ROBO3: variants seen among roughly 807,000 people sequenced by gnomAD.
ROBO3 encodes the protein roundabout homolog 3.
In ROBO3, 97 loss-of-function variants were observed where a neutral mutation model predicts 160.5. That is an observed-to-expected ratio of 0.60 (90% confidence interval 0.51 to 0.72). The LOEUF is 0.72. Ranked by LOEUF, ROBO3 falls within the 30% of genes least tolerant of loss-of-function variation. The pLI is 0.00. For missense variants in ROBO3, 1,858 were observed against 1,846.5 expected (o/e 1.01, Z -0.11); for synonymous variants, 780 against 746.2 (o/e 1.05, Z -0.74).
chr11:124,874,216 CTG>C lies in ROBO3; in HGVS notation c.1932_1933del (p.Glu645AlafsTer7), dbSNP rs1946318793. The C allele has an allele frequency of 6.2e-7, 1 of 1,613,752 alleles. No individual in the cohort carries two copies. Among genetic ancestry groups the C allele is most frequent in the African/African-American group, 1.3e-5 (1 of 74,908 alleles). Reference sequence around the variant, plus strand: ...GGCCTCAGTGAGCCCAGCCCCGTCTCTGAGCCTGTCCGTACACAGGGTAAGGT... The same window carrying C: ...GGCCTCAGTGAGCCCAGCCCCGTCTCAGCCTGTCCGTACACAGGGTAAGGT... On this transcript the variant is annotated frameshift_variant, in exon 12 of 28. Transcript: ENST00000397801. LOFTEE classifies it high-confidence loss of function.
chr11:124,875,632 T>G lies in ROBO3; in HGVS notation c.2368T>G (p.Ser790Ala), dbSNP rs1565313193. ...TGATGGCAACAGCAGTATCACTGTG[T>G]CCTGGGAACCTCCACTCCCCTCCCA... ...GGDGNSSITVSWEPPLPSQQN... is the reference protein window; with the variant it reads ...GGDGNSSITVAWEPPLPSQQN... Residue 790 changes from serine to alanine, a missense_variant, in exon 15 of 28, where the codon TCC (serine) becomes GCC (alanine). Physicochemically the swap from Ser to Ala is moderately conservative, Grantham distance 99 (BLOSUM62 1). Coordinates refer to ENST00000397801, the MANE Select transcript of ROBO3 (RefSeq NM_022370.4). 6.2e-7 allele frequency: 1 copy of G among 1,610,958 alleles called. No homozygotes were observed. Among genetic ancestry groups the G allele is most frequent in the Non-Finnish European group, 8.5e-7 (1 of 1,178,738 alleles).
intron 25 of ROBO3, 87 bp downstream of exon 25, chr11:124,879,662 G>A (rs897944891): frequency 6.5e-7 from 1 of 1,529,116 alleles, no homozygotes; most frequent in Admixed American, 1.9e-5. Flanking sequence ...GGCTGGAGGA[G>A]GGAACAGGTG....
Position 124,870,319 on chromosome 11 carries a change from C to A in ROBO3, c.905+16C>A. On this transcript the variant is annotated intron_variant, in intron 5 of 27. Coordinates refer to ENST00000397801, the MANE Select transcript of ROBO3 (RefSeq NM_022370.4). ...CCACAGGCAGGTGAGAGACCCCCTT[C>A]TGCCTGTAGGAAGACCCAACCTGAT... 1 of 1,610,162 alleles carries A rather than the reference C, an allele frequency of 6.2e-7. No homozygotes were observed. Among genetic ancestry groups the A allele is most frequent in the East Asian group, 2.2e-5 (1 of 44,754 alleles).
intron 1 of ROBO3, among the ~76,000 whole-genome samples, chr11:124,867,158 G>A (rs777672789): frequency 6.6e-6 from 1 of 152,094 alleles, no homozygotes; most frequent in African/African-American, 2.4e-5. Flanking sequence ...TACACCTGAG[G>A]GCTATACCAA....
rs1191670523 is a variant in ROBO3, at chr11:124,865,714, C to T, written c.137C>T (p.Pro46Leu). ...GCGGCGCTCAACCACACCCTGCTGCCTCCCGGCGATCCCTCTCTCAACGGT... is the reference window on the plus strand; with the variant it reads ...GCGGCGCTCAACCACACCCTGCTGCTTCCCGGCGATCCCTCTCTCAACGGT... Reference protein sequence around the residue: ...SLAALNHTLLPPGDPSLNGSR... With the variant: ...SLAALNHTLLLPGDPSLNGSR... Residue 46 changes from proline (P) to leucine (L), a missense_variant, in exon 1 of 28, where the codon CCT becomes CTT. Coordinates refer to ENST00000397801, the MANE Select transcript of ROBO3 (RefSeq NM_022370.4). This position sits in a 1 kb window ranked among gnomAD's most constrained non-coding sequence, Gnocchi z 5.5. 4.3e-6 allele frequency: 7 copies of T among 1,610,048 alleles called. No homozygotes were observed. The highest frequency in any genetic ancestry group is 5.9e-6 in the Non-Finnish European group (7 of 1,178,794).
In ROBO3 at chr11:124,875,693, G is replaced by C. The variant is rs966746368; in HGVS notation, c.2421+8G>C. On this transcript the variant is annotated splice_region_variant and intron_variant, in intron 15 of 27. Transcript: ENST00000397801. ...GTCATCACGGAATACCAGGTAGAGG[G>C]ATTGAGGAGGGACTGGATGGGAGGG... 2.5e-6 allele frequency: 4 copies of C among 1,598,904 alleles called. No individual in the cohort carries two copies. The highest frequency in any genetic ancestry group is 2.6e-6 in the Non-Finnish European group (3 of 1,172,502).
rs1039411183 is a variant in ROBO3 at position 124,869,531 on chromosome 11, C to T, written c.569C>T (p.Pro190Leu). The T allele has an allele frequency of 1.3e-6, 2 of 1,562,298 alleles. No individual in the cohort carries two copies. The highest frequency in any genetic ancestry group is 8.7e-7 in the Non-Finnish European group (1 of 1,153,052). Reference protein sequence around the residue: ...GEPAVLECVPPRGHPEPSVSW... With the variant: ...GEPAVLECVPLRGHPEPSVSW... ...CCAGCAGTACTGGAATGCGTGCCCC[C>T]CCGCGGCCACCCGGAGCCTTCCGTG... is the stretch of plus-strand genomic sequence containing the variant. The change falls in exon 3 of 28, where the codon CCC (proline) becomes CTC (leucine). Residue 190 changes from proline to leucine, a missense_variant. Pro to Leu is a moderately conservative substitution (Grantham distance 98). Coordinates refer to ENST00000397801, the MANE Select transcript of ROBO3 (RefSeq NM_022370.4). The surrounding 1 kb of genome is among the most constrained non-coding windows in gnomAD (Gnocchi z 4.2).
Position 124,876,523 on chromosome 11 carries a change from C to T in ROBO3, c.2779+63C>T, listed in dbSNP as rs777208104. ...GAGCCAGGCGGCCCATGGGGAGGGG[C>T]AGGGGCTTAGCCGCTGGCGAGTGAG... On this transcript the variant is annotated intron_variant, in intron 17 of 27. Transcript: ENST00000397801. This position sits in a 1 kb window ranked among gnomAD's most constrained non-coding sequence, Gnocchi z 5.3. 7.7e-6 allele frequency: 10 copies of T among 1,300,040 alleles called. No homozygotes were observed. Among genetic ancestry groups the T allele is most frequent in the South Asian group, 6.2e-5 (3 of 48,410 alleles). 80.5% of individuals were successfully genotyped at this position (1,300,040 alleles called of 1,614,324 possible). A position where few individuals can be genotyped will look rare whatever the true frequency, so the allele number is the denominator to read the frequency against.
chr11:124,877,451 G>A, intron 19 of ROBO3, 68 bp from the exon 20 acceptor site: 1 of 1,597,104 alleles, frequency 6.3e-7, no homozygotes. Flanking sequence ...CCCGAATATC[G>A]CCACCTCCCT....
chr11:124,873,037 A>C lies in ROBO3; in HGVS notation c.1484A>C (p.Asp495Ala), dbSNP rs1591512134. The stretch of plus-strand genomic sequence containing the variant: ...GATGGGCAGTGGCTGCAGGGGGATG[A>C]CCTCCAGTTCAAGACAATGGCCAAC... Reference protein sequence around the residue: ...KKDGQWLQGDDLQFKTMANGT... With the variant: ...KKDGQWLQGDALQFKTMANGT... The change falls in exon 9 of 28, where the codon GAC (aspartate) becomes GCC (alanine). Residue 495 changes from aspartate (D) to alanine (A), a missense_variant. Asp to Ala is a moderately radical substitution (Grantham distance 126). Transcript: ENST00000397801. The surrounding 1 kb of genome is among the most constrained non-coding windows in gnomAD (Gnocchi z 4.5). 1 of 1,613,830 alleles carries C rather than the reference A, an allele frequency of 6.2e-7. No individual in the cohort carries two copies. Among genetic ancestry groups the C allele is most frequent in the Non-Finnish European group, 8.5e-7 (1 of 1,179,844 alleles).
chr11:124,875,380 G>C, intron 14 of ROBO3, 44 bp downstream of exon 14: 1 of 1,566,834 alleles, frequency 6.4e-7, no homozygotes, highest in East Asian at 2.3e-5. Context: ...GAGGGAAGAA[G>C]GGGTGGGGGT....
intron 23 of ROBO3, 163 bp from the exon 24 acceptor site, chr11:124,879,027 C>T (rs956356058): frequency 2.3e-6 from 2 of 868,984 alleles, no homozygotes; most frequent in Non-Finnish European, 3.5e-6. Context: ...TGAGACATTT[C>T]AGATATGGCT....
chr11:124,873,707 A>T lies in ROBO3; in HGVS notation c.1629A>T (p.Gly543=), dbSNP rs2135330680. The T allele has an allele frequency of 6.2e-7, 1 of 1,611,436 alleles. No homozygotes were observed. The highest frequency in any genetic ancestry group is 8.5e-7 in the Non-Finnish European group (1 of 1,178,650). ...SGWLKMREDW[G]VSPDPPTEPS... ...TATCTCCCACTGCAGAAGACTGGGG[A>T]GTATCACCAGACCCCCCTACAGAAC... Residue 543 remains glycine, a synonymous_variant, in exon 11 of 28, where the codon GGA becomes GGT. Coordinates refer to ENST00000397801, the MANE Select transcript of ROBO3 (RefSeq NM_022370.4). This position sits in a 1 kb window ranked among gnomAD's most constrained non-coding sequence, Gnocchi z 4.5.
At chr11:124,870,370 C>T in intron 5 of ROBO3, 67 bp downstream of exon 5, 1 of 1,550,932 alleles carries the variant, frequency 6.4e-7, no homozygotes, top group South Asian at 1.2e-5. Flanking sequence ...CCCTAGAAAA[C>T]CGGAAGACAG....
intron 20 of ROBO3, 123 bp downstream of exon 20, chr11:124,877,781 C>G (rs754130574): frequency 1.1e-5 from 15 of 1,345,864 alleles, no homozygotes; most frequent in Non-Finnish European, 8.3e-6. Context: ...AGGATGTGAG[C>G]TGGGGAAGCC....
chr11:124,878,759 C>T lies in ROBO3; in HGVS notation c.3496C>T (p.Pro1166Ser), dbSNP rs758968570. Residue 1166 changes from proline to serine, a missense_variant, in exon 23 of 28, where the codon CCC (proline) becomes TCC (serine). Transcript: ENST00000397801. This position sits in a 1 kb window ranked among gnomAD's most constrained non-coding sequence, Gnocchi z 4.3. ...LTPSPPDPPQ[P>S]PTDMPHLHQM... ...ACCCTCACCTCCTGACCCTCCCCAGCCCCCAACTGACATGCCCCATCTCCA... is the reference window on the plus strand; with the variant it reads ...ACCCTCACCTCCTGACCCTCCCCAGTCCCCAACTGACATGCCCCATCTCCA... 1.2e-6 allele frequency: 2 copies of T among 1,613,614 alleles called. No homozygotes were observed. The highest frequency in any genetic ancestry group is 3.3e-5 in the Admixed American group (2 of 60,014).
chr11:124,874,029 T>C lies in ROBO3; in HGVS notation c.1785-41T>C, dbSNP rs186850384. On this transcript the variant is annotated intron_variant, in intron 11 of 27. Coordinates refer to ENST00000397801, the MANE Select transcript of ROBO3 (RefSeq NM_022370.4). ...TGAGATGGAGTAGGCAGGTTGGGAG[T>C]TCCTGGCTTAGACAACCCTGTCATC... is the stretch of plus-strand genomic sequence containing the variant. 5.0e-6 allele frequency: 8 copies of C among 1,611,016 alleles called. No individual in the cohort carries two copies. In the African/African-American group the frequency reaches 9.3e-5, roughly 19 times the overall value.
chr11:124,866,071 G>C (rs935280592), intron 1 of ROBO3, among the ~76,000 whole-genome samples: 2 of 152,208 alleles, frequency 1.3e-5, no homozygotes, highest in African/African-American at 4.8e-5. Flanking sequence ...CCAGCGCAGG[G>C]AGGGCAGAGG....
Position 124,865,615 on chromosome 11 carries a change from A to G in ROBO3, c.38A>G (p.Asn13Ser). The G allele has an allele frequency of 1.2e-6, 2 of 1,612,832 alleles. No individual in the cohort carries two copies. Among genetic ancestry groups the G allele is most frequent in the Non-Finnish European group, 1.7e-6 (2 of 1,179,746 alleles). ...RYLLKTLLQM[N>S]LFADSLAGDI... The stretch of plus-strand genomic sequence containing the variant: ...CTGCTGAAAACGCTGCTGCAGATGA[A>G]CTTGTTCGCGGACTCTCTGGCCGGG... Residue 13 changes from asparagine to serine, a missense_variant, in exon 1 of 28, where the codon AAC becomes AGC. Coordinates refer to ENST00000397801, the MANE Select transcript of ROBO3 (RefSeq NM_022370.4). This position sits in a 1 kb window ranked among gnomAD's most constrained non-coding sequence, Gnocchi z 5.5.
Sources: gnomAD v4.1 joint callset for allele counts (sites outside exome capture counted in the v4.1 genomes callset) on GRCh38, gnomAD v4.1.1 for gene constraint, Gnocchi (gnomAD v3.1) non-coding constraint, MANE v1.5 for transcripts, NCBI Gene and HGNC (gene_info 2026-07-23, HGNC 2026-07-21) for gene names.